Variants in PTPRM observed in about 807,000 individuals in gnomAD.
PTPRM encodes receptor-type tyrosine-protein phosphatase mu.
A neutral mutation model predicts 186.7 loss-of-function variants in PTPRM; 47 were observed. That is an observed-to-expected ratio of 0.25 (90% CI 0.20 to 0.32). PTPRM has a LOEUF of 0.32. PTPRM is among the 10% of genes least tolerant of loss of function. PTPRM has a pLI of 1.00. For missense variants in PTPRM, 1,494 were observed against 1,865.0 expected (o/e 0.80, Z 3.66); for synonymous variants, 668 against 674.9 (o/e 0.99, Z 0.16).
intron 14 of PTPRM, among the ~76,000 whole-genome samples, chr18:8,148,970 T>C (rs2092944664): frequency 6.6e-6 from 1 of 152,218 alleles, no homozygotes; most frequent in Admixed American, 6.5e-5. Context: ...TTTGATTGAG[T>C]TTCTTAATCC....
In PTPRM at chr18:7,906,564, G is replaced by A. The variant is rs750606528; in HGVS notation, c.528G>A (p.Lys176=). Residue 176 remains lysine, a synonymous_variant, in exon 4 of 33, where the codon AAG becomes AAA. Transcript: ENST00000580170. ...GCTATCTCGCTATCGATGAGGTGAA[G>A]GTGTTAGGACATCCATGTAGTAAGT... The part of the protein sequence containing the change: ...HQGYLAIDEV[K]VLGHPCTRTP... The A allele has an allele frequency of 6.8e-6, 11 of 1,612,710 alleles. No individual in the cohort carries two copies. The South Asian group carries it at 1.2e-4, about 18-fold the overall frequency.
At chr18:7,572,338 C>A (rs953411251) in intron 1 of PTPRM, among the ~76,000 whole-genome samples, 1 of 152,014 alleles carries the variant, frequency 6.6e-6, no homozygotes, top group African/African-American at 2.4e-5. Flanking sequence ...TATATAAATT[C>A]TTTATAAATG....
At chr18:7,656,442 G>C (rs1010893363) in intron 1 of PTPRM, among the ~76,000 whole-genome samples, 12 of 152,166 alleles carry the variant, frequency 7.9e-5, no homozygotes, top group Non-Finnish European at 1.0e-4. Context: ...AGAGAAGGGA[G>C]TGGGGAGTTA....
At chr18:7,695,590 CTT>C (rs774289576) in intron 1 of PTPRM, among the ~76,000 whole-genome samples, 2 of 152,146 alleles carry the variant, frequency 1.3e-5, no homozygotes, top group East Asian at 3.9e-4. Context: ...AAAAAATGCT[CTT>C]GTCTGTTTTT....
At chr18:7,891,595 A>G (rs959872189) in intron 3 of PTPRM, among the ~76,000 whole-genome samples, 22 of 152,208 alleles carry the variant, frequency 1.4e-4, no homozygotes, top group Middle Eastern at 3.4e-3. Flanking sequence ...GGCCGGGCGC[A>G]ATGGCTCGTG....
chr18:7,590,324 G>T (rs1410886488), intron 1 of PTPRM, among the ~76,000 whole-genome samples: 1 of 152,134 alleles, frequency 6.6e-6, no homozygotes, highest in African/African-American at 2.4e-5. Context: ...GTAAGGTGTG[G>T]GGGATTATCT....
intron 15 of PTPRM, among the ~76,000 whole-genome samples, chr18:8,247,389 A>G (rs114850101): frequency 0.01 from 1,539 of 152,346 alleles, 24 homozygotes; most frequent in African/African-American, 0.035. Context: ...ATTGTGGAGT[A>G]TTCTCTGCAT....
At chr18:8,052,767 C>A (rs2087602080) in intron 7 of PTPRM, among the ~76,000 whole-genome samples, 1 of 152,122 alleles carries the variant, frequency 6.6e-6, no homozygotes, top group African/African-American at 2.4e-5. Flanking sequence ...AACTTGTGTT[C>A]CATAGTGGCT....
intron 11 of PTPRM, among the ~76,000 whole-genome samples, chr18:8,099,899 G>A (rs1405109923): frequency 6.6e-6 from 1 of 152,154 alleles, no homozygotes; most frequent in African/African-American, 2.4e-5. Context: ...TTCTTGCATT[G>A]CTATAAAGAT....
chr18:7,697,147 G>A (rs1218590775), intron 1 of PTPRM, among the ~76,000 whole-genome samples: 1 of 152,162 alleles, frequency 6.6e-6, no homozygotes, highest in African/African-American at 2.4e-5. Context: ...GGGTGTGTTA[G>A]TATGAAGGGA....
intron 14 of PTPRM, among the ~76,000 whole-genome samples, chr18:8,212,461 G>A (rs538433284): frequency 3.9e-5 from 6 of 152,146 alleles, no homozygotes; most frequent in South Asian, 2.1e-4. Flanking sequence ...ACACACACAC[G>A]AGAATTATGT....
At chr18:7,872,517 A>G (rs2048033120) in intron 2 of PTPRM, among the ~76,000 whole-genome samples, 1 of 152,344 alleles carries the variant, frequency 6.6e-6, no homozygotes, top group Middle Eastern at 3.4e-3. Context: ...GTTATTTACA[A>G]AAATACTGGT....
intron 14 of PTPRM, among the ~76,000 whole-genome samples, chr18:8,172,714 A>AT (rs1264552946): frequency 3.3e-5 from 5 of 152,070 alleles, no homozygotes; most frequent in Non-Finnish European, 7.4e-5. Flanking sequence ...AAAAAAGAAA[A>AT]AAAAAACTTC....
chr18:7,917,986 C>T (rs1197002698), intron 4 of PTPRM, among the ~76,000 whole-genome samples: 6 of 152,004 alleles, frequency 3.9e-5, no homozygotes, highest in Non-Finnish European at 8.8e-5. Flanking sequence ...CTTCCAGTAC[C>T]ATCCTTGTTG....
intron 1 of PTPRM, among the ~76,000 whole-genome samples, chr18:7,621,468 C>T (rs937050872): frequency 2.6e-5 from 4 of 152,050 alleles, no homozygotes; most frequent in South Asian, 2.1e-4. Context: ...ATTGACATGC[C>T]GTTATCACCC....
chr18:8,254,101 G>A (rs1466303883), intron 19 of PTPRM, among the ~76,000 whole-genome samples: 1 of 152,194 alleles, frequency 6.6e-6, no homozygotes, highest in Non-Finnish European at 1.5e-5. Context: ...GCAATGTCAT[G>A]TGGTGGAGAT....
At chr18:7,815,527 A>G (rs1454602610) in intron 2 of PTPRM, 2 of 152,214 alleles carry the variant, frequency 1.3e-5, no homozygotes, top group African/African-American at 4.8e-5. Context: ...AGTTAGAAAT[A>G]AAGGCCTAAG....
At chr18:7,577,537 A>G (rs2036720154) in intron 1 of PTPRM, among the ~76,000 whole-genome samples, 1 of 152,218 alleles carries the variant, frequency 6.6e-6, no homozygotes, top group Non-Finnish European at 1.5e-5. Context: ...GAGCTCAGAC[A>G]GCATCATGAT....
intron 2 of PTPRM, among the ~76,000 whole-genome samples, chr18:7,865,652 T>G (rs1387317916): frequency 1.3e-5 from 2 of 152,162 alleles, no homozygotes; most frequent in African/African-American, 4.8e-5. Flanking sequence ...TTTTCTTTTT[T>G]TGTTGTGTCT....
Sources: allele counts gnomAD v4.1 joint callset (sites outside exome capture counted in the v4.1 genomes callset), GRCh38; gene constraint gnomAD v4.1.1; transcripts MANE v1.5; gene names NCBI Gene and HGNC (gene_info 2026-07-23, HGNC 2026-07-21).